The following UHRF1 variants were observed in gnomAD, a reference collection of about 807,000 sequenced individuals.
UHRF1 encodes ubiquitin like with PHD and ring finger domains 1.
UHRF1 carries 9 observed loss-of-function variants against 96.5 expected under a neutral mutation model. That is an observed-to-expected ratio of 0.09 (90% CI 0.06 to 0.16). The LOEUF (loss-of-function observed/expected upper bound fraction) is 0.16. Ranked by LOEUF, UHRF1 falls within the 10% of genes least tolerant of loss-of-function variation. The pLI is 1.00. For synonymous variants in UHRF1, 455 were observed against 469.9 expected, an observed-to-expected ratio of 0.97 and a Z score of 0.41; for missense variants, 626 against 1,131.1, an observed-to-expected ratio of 0.55 and a Z score of 6.40.
chr19:4,945,666 T>C (rs1295211611), intron 9 of UHRF1, among the ~76,000 whole-genome samples, 195 bp from the exon 10 acceptor site: 1 of 151,480 alleles, frequency 6.6e-6, no homozygotes, highest in Non-Finnish European at 1.5e-5. Context: ...GTTTTTTTTT[T>C]TTTTTTTCCA....
intron 10 of UHRF1, 22 bp downstream of exon 10, chr19:4,945,987 G>C: frequency 8.6e-7 from 1 of 1,163,260 alleles, no homozygotes; most frequent in Admixed American, 2.2e-5. Flanking sequence ...TGTGGGAGGG[G>C]TGGGGGAGGG....
intron 15 of UHRF1, among the ~76,000 whole-genome samples, chr19:4,955,224 A>G (rs1048217683): frequency 6.6e-6 from 1 of 152,156 alleles, no homozygotes; most frequent in African/African-American, 2.4e-5. Flanking sequence ...GGAGCCCGAC[A>G]TGGGCCTTGC....
Position 4,932,743 on chromosome 19 carries a change from A to G in UHRF1, c.572A>G (p.Tyr191Cys). The G allele has an allele frequency of 6.2e-7, 1 of 1,613,462 alleles. No homozygotes were observed. The highest frequency in any genetic ancestry group is 8.5e-7 in the Non-Finnish European group (1 of 1,179,672). ...TAAGGCCCGGGCTTTCCTCCCAGCT[A>G]CCCGGAGAACGGCGTGGTCCAGATG... ...DVIYHVKYDD[Y>C]PENGVVQMNS... is the part of the protein sequence containing the mutation. Residue 191 changes from tyrosine (Y) to cysteine (C), a missense_variant and splice_region_variant, in exon 5 of 17, where the codon TAC becomes TGC. Around this residue, in one of 11 missense-constraint regions of UHRF1, gnomAD observed 198 missense variants for 235.1 expected, o/e 0.84. Transcript: ENST00000650932.
At position 4,954,653 on chromosome 19, in the gene UHRF1, G is replaced by T. The variant is rs1476428694; in HGVS notation, c.1961G>T (p.Gly654Val). The T allele has an allele frequency of 2.5e-6, 4 of 1,612,346 alleles. No homozygotes were observed. Among genetic ancestry groups the T allele is most frequent in the Non-Finnish European group, 3.4e-6 (4 of 1,179,276 alleles). ...CACGCGCCCCACCCTCTTCCAGGAGGTGGCCCGAGCAGGGCCGGGTCCCCG... is the reference window on the plus strand; with the variant it reads ...CACGCGCCCCACCCTCTTCCAGGAGTTGGCCCGAGCAGGGCCGGGTCCCCG... ...KGKWKRKSAG[G>V]GPSRAGSPRR... The change falls in exon 15 of 17, where the codon GGT becomes GTT. Residue 654 changes from glycine to valine, a missense_variant. Physicochemically the swap from Gly to Val is moderately radical, Grantham distance 109. Transcript: ENST00000650932. This position sits in a 1 kb window ranked among gnomAD's most constrained non-coding sequence, Gnocchi z 5.9.
intron 2 of UHRF1, 92 bp from the exon 3 acceptor site, chr19:4,929,130 C>A (rs1210071219): frequency 2.7e-6 from 4 of 1,486,544 alleles, no homozygotes; most frequent in Non-Finnish European, 3.7e-6. Context: ...CCCACAAGGG[C>A]TGGGACACAG....
At chr19:4,906,184 G>A (rs1265493088), upstream of UHRF1, among the ~76,000 whole-genome samples, 1 of 151,988 alleles carries the variant, frequency 6.6e-6, no homozygotes, top group Non-Finnish European at 1.5e-5. Flanking sequence ...TCACTACGTT[G>A]CCCAAGCTGG....
intron 13 of UHRF1, among the ~76,000 whole-genome samples, chr19:4,951,509 C>T (rs1235899119): frequency 1.3e-5 from 2 of 152,092 alleles, no homozygotes; most frequent in African/African-American, 4.8e-5. Flanking sequence ...TGATGGCACC[C>T]CCCTAGCTGT....
chr19:4,950,497 G>C (rs2033687146), intron 11 of UHRF1, 114 bp from the exon 12 acceptor site: 5 of 1,165,300 alleles, frequency 4.3e-6, no homozygotes, highest in Non-Finnish European at 5.9e-6. Context: ...GCCTACTTCA[G>C]CCTCCCAAAG....
intron 16 of UHRF1, among the ~76,000 whole-genome samples, chr19:4,958,436 GC>G (rs1003399218): frequency 6.6e-6 from 1 of 152,256 alleles, no homozygotes; most frequent in Non-Finnish European, 1.5e-5. Flanking sequence ...GCTGTGGGGG[GC>G]TATTGGAAGA....
chr19:4,934,441 ACT>A (rs1371253728), intron 5 of UHRF1, among the ~76,000 whole-genome samples: 3 of 151,484 alleles, frequency 2.0e-5, no homozygotes, highest in Non-Finnish European at 4.4e-5. Context: ...CCAAACTGAA[ACT>A]CTGACTCCAT....
chr19:4,940,435 C>T lies in UHRF1; in HGVS notation c.786-1093C>T, dbSNP rs542950745. Among the ~76,000 whole-genome samples, 66 of 124,376 alleles carry T rather than the reference C, an allele frequency of 5.3e-4. 1 individual carries two copies. Among genetic ancestry groups the T allele is most frequent in the African/African-American group, 1.9e-3 (62 of 33,506 alleles). The allele number at this position is 124,376 out of a possible 152,430, so 81.6% of individuals were successfully genotyped here. The stretch of plus-strand genomic sequence containing the variant: ...TGCTGGAGTGCAGTGGCGTGATCAT[C>T]TCAGCTCCACAACCTCCATTTCCCA... On this transcript the variant is annotated intron_variant, in intron 5 of 16. Transcript: ENST00000650932.
Position 4,944,119 on chromosome 19 carries a change from C to A in UHRF1, c.1074-13C>A. The A allele has an allele frequency of 1.9e-6, 3 of 1,613,230 alleles. No individual in the cohort carries two copies. Among genetic ancestry groups the A allele is most frequent in the Non-Finnish European group, 8.5e-7 (1 of 1,179,774 alleles). On this transcript the variant is annotated splice_polypyrimidine_tract_variant and intron_variant, in intron 7 of 16. Transcript: ENST00000650932. ...CAGGCTAGGCGTGGGCAGTGACAAT[C>A]CCGACCTCGCAGGTACTGCCCTGAG...
intron 5 of UHRF1, among the ~76,000 whole-genome samples, chr19:4,937,776 G>A (rs980311690): frequency 6.6e-6 from 1 of 152,136 alleles, no homozygotes; most frequent in East Asian, 1.9e-4. Flanking sequence ...GCTGGGAAAT[G>A]TTTATTCCTT....
intron 8 of UHRF1, 44 bp downstream of exon 8, chr19:4,944,299 G>A: frequency 6.2e-7 from 1 of 1,613,950 alleles, no homozygotes; most frequent in Non-Finnish European, 8.5e-7. Flanking sequence ...CTCCCCGCCT[G>A]CCAGGGCTCA....
rs772094708 is a variant in UHRF1 at position 4,954,844 on chromosome 19, G to A, written c.2130+22G>A. On this transcript the variant is annotated intron_variant, in intron 15 of 16. Coordinates refer to ENST00000650932, the MANE Select transcript of UHRF1 (RefSeq NM_001048201.3). The surrounding 1 kb of genome is among the most constrained non-coding windows in gnomAD (Gnocchi z 5.9). ...CCCGGTAGGCTCGCACGGCTCACTC[G>A]TCGCCCTGATTTGCGTTGACTGCGG... The A allele has an allele frequency of 6.2e-6, 10 of 1,609,416 alleles. No homozygotes were observed. The highest frequency in any genetic ancestry group is 1.3e-5 in the African/African-American group (1 of 74,754).
intron 3 of UHRF1, among the ~76,000 whole-genome samples, chr19:4,929,960 C>T (rs891213369): frequency 2.6e-5 from 4 of 152,034 alleles, no homozygotes; most frequent in African/African-American, 9.7e-5. Context: ...GCCACCACGC[C>T]CAGCTAATTT....
At chr19:4,904,630 A>G (rs2032027802), upstream of UHRF1, among the ~76,000 whole-genome samples, 1 of 152,060 alleles carries the variant, frequency 6.6e-6, no homozygotes, top group South Asian at 2.1e-4. Flanking sequence ...ATTTCTCTTT[A>G]TGCCTGCATC....
In UHRF1 at chr19:4,909,595, A is replaced by C; in HGVS notation, c.-71A>C. On this transcript the variant is annotated 5_prime_UTR_variant, in exon 1 of 17. Coordinates refer to ENST00000650932, the MANE Select transcript of UHRF1 (RefSeq NM_001048201.3). ...GGGTCCGGGCCACGCACGCGGTTTC[A>C]TCGCCATCCCCAGCCGGGCCACGCG... The C allele has an allele frequency of 1.5e-6, 1 of 647,254 alleles. No homozygotes were observed. The highest frequency in any genetic ancestry group is 2.8e-6 in the Non-Finnish European group (1 of 361,270). The allele number at this position is 647,254 out of a possible 1,614,324, so 40.1% of individuals were successfully genotyped here.
At chr19:4,937,587 C>T (rs947346919) in intron 5 of UHRF1, among the ~76,000 whole-genome samples, 2 of 152,140 alleles carry the variant, frequency 1.3e-5, no homozygotes, top group African/African-American at 4.8e-5. Context: ...TGATCTTGAA[C>T]TCCTGACCTC....
Sources: allele counts gnomAD v4.1 joint callset (sites outside exome capture counted in the v4.1 genomes callset), GRCh38; gene constraint gnomAD v4.1.1; regional missense constraint gnomAD v4.1.1; non-coding constraint Gnocchi (gnomAD v3.1); transcripts MANE v1.5; gene names NCBI Gene and HGNC (gene_info 2026-07-23, HGNC 2026-07-21).